Variants in PRKG1 observed in about 807,000 individuals in gnomAD.
PRKG1 encodes cGMP-dependent protein kinase 1.
In PRKG1, 35 loss-of-function variants were observed where a neutral mutation model predicts 88.1. The observed-to-expected ratio is 0.40, with a 90% CI of 0.30 to 0.53. The LOEUF (loss-of-function observed/expected upper bound fraction) is 0.53. Ranked by LOEUF, PRKG1 falls within the 20% of genes least tolerant of loss-of-function variation. The pLI, the probability that PRKG1 is intolerant of heterozygous loss-of-function variation, is 0.59. For missense variants in PRKG1, 540 were observed against 839.8 expected, an observed-to-expected ratio of 0.64 and a Z score of 4.41; for synonymous variants, 303 against 292.5, an observed-to-expected ratio of 1.04 and a Z score of -0.37.
chr10:51,013,024 A>G (rs1035033806), intron 1 of PRKG1, among the ~76,000 whole-genome samples: 1 of 152,226 alleles, frequency 6.6e-6, no homozygotes, highest in African/African-American at 2.4e-5. Flanking sequence ...TAGCTGGAAT[A>G]CTGCAGTGGG....
rs201327110 is a variant in PRKG1, at chr10:51,009,131, G to GA, written c.266+17495dup. ...GTTTTCTTACCTGTAATTTTAGAAG[G>GA]AAAAAAAACCCTTCTATGCTATAAT... On this transcript the variant is annotated intron_variant, in intron 1 of 17. Coordinates refer to the PRKG1 transcript ENST00000401604. 3.4e-3 allele frequency among the ~76,000 whole-genome samples: 516 copies of GA among 151,394 alleles called. 1 individual carries two copies. The highest frequency in any genetic ancestry group is 0.012 in the African/African-American group (495 of 41,332).
intron 3 of PRKG1, among the ~76,000 whole-genome samples, chr10:51,486,588 C>G (rs12246922): frequency 0.1 from 15,361 of 152,144 alleles, 2,507 homozygotes; most frequent in African/African-American, 0.34. Context: ...TAGCCCTCCA[C>G]CTATTTTGAG....
At chr10:52,278,623 C>T (rs1841928032) in intron 12 of PRKG1, among the ~76,000 whole-genome samples, 1 of 152,046 alleles carries the variant, frequency 6.6e-6, no homozygotes, top group Non-Finnish European at 1.5e-5. Context: ...GAATACTATG[C>T]AGCCATAAAA....
intron 3 of PRKG1, among the ~76,000 whole-genome samples, chr10:51,803,227 A>T (rs1722665755): frequency 6.6e-6 from 1 of 152,080 alleles, no homozygotes; most frequent in African/African-American, 2.4e-5. Flanking sequence ...TTTGTTTTTG[A>T]TGAAGTGTCA....
At chr10:51,055,488 A>G (rs1248747685) in intron 1 of PRKG1, among the ~76,000 whole-genome samples, 4 of 152,114 alleles carry the variant, frequency 2.6e-5, no homozygotes, top group Non-Finnish European at 5.9e-5. Context: ...ACAGGTCAAT[A>G]TCCAAATGTT....
chr10:51,754,633 A>T (rs1352871426), intron 3 of PRKG1, among the ~76,000 whole-genome samples: 1 of 152,172 alleles, frequency 6.6e-6, no homozygotes, highest in Non-Finnish European at 1.5e-5. Flanking sequence ...TGAGCAGCTG[A>T]GCTATTGGAC....
chr10:52,118,277 C>CT (rs1407165662), intron 7 of PRKG1, among the ~76,000 whole-genome samples: 8 of 151,892 alleles, frequency 5.3e-5, no homozygotes, highest in Non-Finnish European at 1.5e-5. Context: ...CTTTTTCTTA[C>CT]TTTTTAATCG....
intron 2 of PRKG1, among the ~76,000 whole-genome samples, chr10:51,456,653 A>G (rs1253178044): frequency 1.3e-5 from 2 of 152,208 alleles, no homozygotes; most frequent in Admixed American, 1.3e-4. Flanking sequence ...TATTTTTTAG[A>G]CAACACAGAG....
intron 5 of PRKG1, among the ~76,000 whole-genome samples, chr10:51,948,486 G>A (rs1261285205): frequency 6.6e-6 from 1 of 151,994 alleles, no homozygotes; most frequent in Admixed American, 6.6e-5. Context: ...TGGATTTCAT[G>A]TGATTCAGGT....
intron 2 of PRKG1, among the ~76,000 whole-genome samples, chr10:51,167,348 AAAAGTTTG>A (rs1452660485): frequency 6.6e-6 from 1 of 152,130 alleles, no homozygotes. Flanking sequence ...TAAGGTACGG[AAAAGTTTG>A]ACACATTAAA....
intron 2 of PRKG1, among the ~76,000 whole-genome samples, chr10:51,248,737 A>G (rs1183644753): frequency 6.6e-6 from 1 of 151,778 alleles, no homozygotes; most frequent in African/African-American, 2.4e-5. Context: ...AAATTGTAAA[A>G]TTTATTCTCT....
chr10:51,757,882 C>G (rs1227568633), intron 3 of PRKG1, among the ~76,000 whole-genome samples: 1 of 152,082 alleles, frequency 6.6e-6, no homozygotes, highest in African/African-American at 2.4e-5. Flanking sequence ...GGTAGCACTA[C>G]TATAAAAAGT....
intron 3 of PRKG1, among the ~76,000 whole-genome samples, chr10:51,564,682 C>T (rs1425292571): frequency 2.0e-5 from 3 of 152,030 alleles, no homozygotes; most frequent in South Asian, 2.1e-4. Flanking sequence ...TCTTTCTTTA[C>T]GCACAGGTAA....
intron 9 of PRKG1, among the ~76,000 whole-genome samples, chr10:52,183,449 G>C (rs1354390781): frequency 6.6e-6 from 1 of 152,310 alleles, no homozygotes; most frequent in East Asian, 1.9e-4. Context: ...CAGCATTTTG[G>C]CTGTCTCAAG....
rs532387479 is a variant in PRKG1 at position 51,944,285 on chromosome 10, G to A, written c.762+36715G>A. ...CTCTGATGGCAGTTCGTATTTCTGCGGGATCAGTGGTGATATCCCCTTTAT... is the reference window on the plus strand; with the variant it reads ...CTCTGATGGCAGTTCGTATTTCTGCAGGATCAGTGGTGATATCCCCTTTAT... On this transcript the variant is annotated intron_variant, in intron 5 of 17. Coordinates refer to ENST00000373980, the MANE Select transcript of PRKG1 (RefSeq NM_006258.4). Among the ~76,000 whole-genome samples, 40 of 152,086 alleles carry A rather than the reference G, an allele frequency of 2.6e-4. 1 individual carries two copies. In the South Asian group the frequency reaches 5.8e-3, roughly 22 times the overall value.
intron 4 of PRKG1, among the ~76,000 whole-genome samples, chr10:51,836,486 C>T (rs1375409061): frequency 6.6e-6 from 1 of 152,106 alleles, no homozygotes; most frequent in African/African-American, 2.4e-5. Context: ...GAAATCTCTA[C>T]CCAAAGCAAT....
chr10:51,080,437 A>AC (rs554851694), intron 1 of PRKG1, among the ~76,000 whole-genome samples: 2 of 151,190 alleles, frequency 1.3e-5, no homozygotes, highest in Non-Finnish European at 2.9e-5. Flanking sequence ...ATATGGACAC[A>AC]TTTTTTTTTC....
At chr10:51,851,365 G>A (rs548459297) in intron 4 of PRKG1, among the ~76,000 whole-genome samples, 21 of 152,158 alleles carry the variant, frequency 1.4e-4, no homozygotes, top group African/African-American at 5.1e-4. Flanking sequence ...GTTGCTACTG[G>A]CTTCTAGTGG....
intron 9 of PRKG1, among the ~76,000 whole-genome samples, chr10:52,166,798 C>CGTATATATATGT (rs1564498372): frequency 1.0e-5 from 1 of 96,772 alleles, no homozygotes; most frequent in Admixed American, 1.0e-4. Context: ...TATATATATA[C>CGTATATATATGT]ATATATATAT....
Sources: gnomAD v4.1 joint callset for allele counts (sites outside exome capture counted in the v4.1 genomes callset) on GRCh38, gnomAD v4.1.1 for gene constraint, MANE v1.5 for transcripts, NCBI Gene and HGNC (gene_info 2026-07-23, HGNC 2026-07-21) for gene names.